Variants in RIN3 observed in about 807,000 individuals in gnomAD.
RIN3 encodes the protein Ras and Rab interactor 3.
RIN3 carries 54 observed loss-of-function variants against 76.3 expected under a neutral mutation model. That is an observed-to-expected ratio of 0.71 (90% CI 0.57 to 0.89). The LOEUF (loss-of-function observed/expected upper bound fraction) is 0.89. RIN3 is among the 40% of genes least tolerant of loss of function. The probability of loss-of-function intolerance (pLI) is 0.00; values close to 1 mark genes in which losing one functional copy is unlikely to be tolerated. For synonymous variants in RIN3, 576 were observed against 564.0 expected, an observed-to-expected ratio of 1.02 and a Z score of -0.30; for missense variants, 1,256 against 1,322.1, an observed-to-expected ratio of 0.95 and a Z score of 0.78.
intron 6 of RIN3, among the ~76,000 whole-genome samples, chr14:92,654,517 G>T (rs1476399037): frequency 6.6e-6 from 1 of 152,170 alleles, no homozygotes; most frequent in African/African-American, 2.4e-5. Flanking sequence ...AAGGACACGT[G>T]GGCCTCTGAA....
intron 2 of RIN3, among the ~76,000 whole-genome samples, chr14:92,564,692 A>G (rs1161625091): frequency 6.6e-6 from 1 of 152,142 alleles, no homozygotes; most frequent in Non-Finnish European, 1.5e-5. Flanking sequence ...CTAAATCATC[A>G]AAGAAAATCG....
At chr14:92,576,204 G>A in intron 2 of RIN3, 1 of 1,251,566 alleles carries the variant, frequency 8.0e-7, no homozygotes, top group South Asian at 1.3e-5. Context: ...GGAGGGATGA[G>A]CTTGCTGAGA....
intron 7 of RIN3, among the ~76,000 whole-genome samples, chr14:92,660,840 A>G (rs768479908): frequency 2.0e-5 from 3 of 152,236 alleles, no homozygotes; most frequent in African/African-American, 7.2e-5. Context: ...TCACTGCACG[A>G]TGGAGCACAG....
At chr14:92,604,419 T>C (rs11628803) in intron 3 of RIN3, among the ~76,000 whole-genome samples, 77,897 of 152,132 alleles carry the variant, frequency 0.51, 20,792 homozygotes, top group Admixed American at 0.62. Flanking sequence ...TAGGTGGATT[T>C]GGAATAGGTT....
intron 2 of RIN3, among the ~76,000 whole-genome samples, chr14:92,565,570 A>G (rs1897894861): frequency 6.6e-6 from 1 of 152,226 alleles, no homozygotes; most frequent in Non-Finnish European, 1.5e-5. Flanking sequence ...GGAAAGGGGT[A>G]GGCATTTCCT....
At chr14:92,548,643 ATT>A (rs777990684) in intron 1 of RIN3, among the ~76,000 whole-genome samples, 1 of 151,940 alleles carries the variant, frequency 6.6e-6, no homozygotes, top group Non-Finnish European at 1.5e-5. Flanking sequence ...TCATAACTCC[ATT>A]CTCTACCTCT....
At chr14:92,529,747 A>G (rs898868013) in intron 1 of RIN3, among the ~76,000 whole-genome samples, 1 of 152,028 alleles carries the variant, frequency 6.6e-6, no homozygotes. Flanking sequence ...TGGTGGTTTC[A>G]CTTTTTAGGA....
chr14:92,662,014 T>C (rs1266767307), intron 7 of RIN3, among the ~76,000 whole-genome samples: 2 of 151,842 alleles, frequency 1.3e-5, no homozygotes, highest in Non-Finnish European at 2.9e-5. Context: ...CCCAAAGAAG[T>C]ACATGGGGGA....
intron 2 of RIN3, among the ~76,000 whole-genome samples, chr14:92,569,891 G>A (rs1427504130): frequency 1.3e-5 from 2 of 152,150 alleles, no homozygotes; most frequent in Non-Finnish European, 2.9e-5. Context: ...CCAACAAGAA[G>A]TCTACCCTTA....
At chr14:92,520,937 G>T (rs973033655) in intron 1 of RIN3, among the ~76,000 whole-genome samples, 11 of 134,206 alleles carry the variant, frequency 8.2e-5, no homozygotes, top group African/African-American at 4.5e-4. Flanking sequence ...TCTACCGATG[G>T]CATCTGGTGA....
At chr14:92,576,377 C>G (rs1021311200) in intron 2 of RIN3, 1 of 1,289,648 alleles carries the variant, frequency 7.8e-7, no homozygotes, top group Non-Finnish European at 1.0e-6. Flanking sequence ...CTGGGTGAGA[C>G]CTCGGTTAGT....
chr14:92,650,690 C>G (rs1481159933), intron 5 of RIN3, among the ~76,000 whole-genome samples: 1 of 152,182 alleles, frequency 6.6e-6, no homozygotes, highest in Non-Finnish European at 1.5e-5. Context: ...TGCAATTGTT[C>G]CCAAGATGTA....
chr14:92,619,647 T>G (rs781045107), intron 4 of RIN3, among the ~76,000 whole-genome samples: 1 of 152,090 alleles, frequency 6.6e-6, no homozygotes, highest in Non-Finnish European at 1.5e-5. Flanking sequence ...CAGGATGGTC[T>G]CAATCTCCTG....
chr14:92,618,271 AAAGAT>A (rs1476369051), intron 4 of RIN3, among the ~76,000 whole-genome samples: 1 of 152,188 alleles, frequency 6.6e-6, no homozygotes, highest in Non-Finnish European at 1.5e-5. Context: ...GAAAATATTC[AAAGAT>A]AAGAGTTTCA....
chr14:92,676,139 A>G (rs2273928), intron 7 of RIN3, among the ~76,000 whole-genome samples: 46,207 of 151,422 alleles, frequency 0.31, 7,547 homozygotes, highest in Non-Finnish European at 0.36. Flanking sequence ...GGGTGGGTCC[A>G]CGAATAAATA....
At chr14:92,588,525 TGCCATAGCACTCTTTTATAAGG>T (rs1334273224) in intron 3 of RIN3, among the ~76,000 whole-genome samples, 3 of 151,816 alleles carry the variant, frequency 2.0e-5, no homozygotes, top group African/African-American at 7.3e-5. Flanking sequence ...CATGCCCAGC[TGCCATAGCACTCTTTTATAAGG>T]GCACTAATCC....
intron 2 of RIN3, among the ~76,000 whole-genome samples, chr14:92,561,143 A>AT: frequency 2.1e-5 from 1 of 48,112 alleles, no homozygotes; most frequent in South Asian, 1.1e-3. Flanking sequence ...ATTTATATAT[A>AT]TTTTTATATA....
At chr14:92,649,211 G>A (rs367599302) in intron 5 of RIN3, among the ~76,000 whole-genome samples, 71 of 152,258 alleles carry the variant, frequency 4.7e-4, no homozygotes, top group African/African-American at 1.6e-3. Context: ...GGGGTGTCCC[G>A]GCACCAGTGG....
At chr14:92,572,496 A>G (rs1262870779) in intron 2 of RIN3, among the ~76,000 whole-genome samples, 1 of 152,132 alleles carries the variant, frequency 6.6e-6, no homozygotes, top group African/African-American at 2.4e-5. Flanking sequence ...AGCTGCAACC[A>G]ATTATTAGAG....
Sources: gnomAD v4.1 joint callset for allele counts (sites outside exome capture counted in the v4.1 genomes callset) on GRCh38, gnomAD v4.1.1 for gene constraint, MANE v1.5 for transcripts, NCBI Gene and HGNC (gene_info 2026-07-23, HGNC 2026-07-21) for gene names.